The following N4BP2L2 variants were observed in gnomAD, a reference collection of about 807,000 sequenced individuals.
The protein encoded by N4BP2L2 is NEDD4 binding protein 2 like 2.
Under a neutral mutation model 56.2 loss-of-function variants are expected in N4BP2L2, and 50 were observed. The ratio of observed to expected loss-of-function variants is 0.89; its 90% CI spans 0.71 to 1.13. The LOEUF is 1.13. N4BP2L2 is among the 50% of genes most tolerant of loss of function. The probability of loss-of-function intolerance (pLI) is 0.00; values close to 1 mark genes in which losing one functional copy is unlikely to be tolerated. For synonymous variants in N4BP2L2, 203 were observed against 223.6 expected, an observed-to-expected ratio of 0.91 and a Z score of 0.82; for missense variants, 689 against 693.8, an observed-to-expected ratio of 0.99 and a Z score of 0.08.
In N4BP2L2 at chr13:32,438,924, A is replaced by C. The variant is rs1192940907; in HGVS notation, c.2105-187T>G. Among the ~76,000 whole-genome samples, 4 of 152,386 alleles carry C rather than the reference A, an allele frequency of 2.6e-5. No individual in the cohort carries two copies. The East Asian group carries it at 7.7e-4, about 29-fold the overall frequency. ...AATTAGTAAACACTATCCAGACTCC[A>C]ATACTAGGATTCATTTGAGTTCTTG... On this transcript the variant is annotated intron_variant, in intron 7 of 9. Transcript: ENST00000357505.
chr13:32,463,094 A>G (rs927442834), intron 6 of N4BP2L2, among the ~76,000 whole-genome samples: 1 of 151,926 alleles, frequency 6.6e-6, no homozygotes, highest in African/African-American at 2.4e-5. Flanking sequence ...AAAAATTTCA[A>G]AAACAAACAA....
chr13:32,471,555 G>A (rs1007221172), intron 6 of N4BP2L2, among the ~76,000 whole-genome samples: 10 of 152,328 alleles, frequency 6.6e-5, no homozygotes, highest in Admixed American at 3.3e-4. Flanking sequence ...TCTTGTAGGC[G>A]GACAAGGGGG....
chr13:32,524,877 C>T (rs184203019), intron 3 of N4BP2L2: 1 of 152,434 alleles, frequency 6.6e-6, no homozygotes, highest in East Asian at 1.9e-4. Context: ...ATCCTCCTAT[C>T]TCAGCCTCCC....
chr13:32,486,048 G>A (rs575970164), intron 6 of N4BP2L2, among the ~76,000 whole-genome samples: 1 of 151,466 alleles, frequency 6.6e-6, no homozygotes, highest in South Asian at 2.1e-4. Context: ...CCAGCCTGGC[G>A]AACAGAGATG....
At chr13:32,463,074 C>T (rs113132251) in intron 6 of N4BP2L2, among the ~76,000 whole-genome samples, 8,555 of 151,214 alleles carry the variant, frequency 0.057, 811 homozygotes, top group African/African-American at 0.2. Flanking sequence ...ACAAATATTA[C>T]ACATTAATAA....
exon 7 of N4BP2L2, chr13:32,443,720 C>T (rs376387228): frequency 1.4e-4 from 228 of 1,582,686 alleles, no homozygotes; most frequent in Non-Finnish European, 1.7e-4. Flanking sequence ...GGACAAGTAA[C>T]GGAGATTTCA....
At chr13:32,461,892 A>G (rs2080158059) in intron 6 of N4BP2L2, among the ~76,000 whole-genome samples, 1 of 152,190 alleles carries the variant, frequency 6.6e-6, no homozygotes. Context: ...GTGAGCCACT[A>G]CACCTGGCCA....
chr13:32,466,045 T>G (rs1354809296), intron 6 of N4BP2L2, among the ~76,000 whole-genome samples: 2 of 152,112 alleles, frequency 1.3e-5, no homozygotes, highest in Non-Finnish European at 2.9e-5. Flanking sequence ...GCCCTCTAAT[T>G]GGTCACATCC....
At chr13:32,485,710 A>G (rs2085709869) in intron 6 of N4BP2L2, among the ~76,000 whole-genome samples, 1 of 152,230 alleles carries the variant, frequency 6.6e-6, no homozygotes, top group African/African-American at 2.4e-5. Context: ...CAAAAGATGC[A>G]GAAAAAACAT....
At chr13:32,443,819 T>C (rs773757379) in exon 7 of N4BP2L2, 1 of 1,587,774 alleles carries the variant, frequency 6.3e-7, no homozygotes, top group Non-Finnish European at 8.6e-7. Context: ...ACTATAGACA[T>C]AACGTTTTGG....
Position 32,476,007 on chromosome 13 carries a change from A to T in N4BP2L2, c.366-31881T>A, listed in dbSNP as rs1361847774. Among the ~76,000 whole-genome samples the T allele has an allele frequency of 4.6e-5, 7 of 152,238 alleles. No individual in the cohort carries two copies. The East Asian group carries it at 1.3e-3, about 29-fold the overall frequency. The stretch of plus-strand genomic sequence containing the variant: ...AATTCTGTCTATCTGGATACCTTAA[A>T]ATGGTATTGAGGAGAATTACATTTC... On this transcript the variant is annotated intron_variant, in intron 6 of 9. Coordinates refer to the N4BP2L2 transcript ENST00000357505.
intron 6 of N4BP2L2, chr13:32,504,904 A>G (rs2090658794): frequency 6.6e-6 from 1 of 152,246 alleles, no homozygotes; most frequent in Non-Finnish European, 1.5e-5. Context: ...AGAAGGGGTG[A>G]TGGATCCTAA....
chr13:32,480,159 T>C lies in N4BP2L2; in HGVS notation c.366-36033A>G, dbSNP rs149968987. Reference sequence around the variant, plus strand: ...CAGGCTATCTTCACAGGAACAACAATTAGACTTCTAGCTGACTTCTTATCA... The same window carrying C: ...CAGGCTATCTTCACAGGAACAACAACTAGACTTCTAGCTGACTTCTTATCA... On this transcript the variant is annotated intron_variant, in intron 6 of 9. Transcript: ENST00000357505. Among the ~76,000 whole-genome samples the C allele has an allele frequency of 8.1e-3, 1,227 of 152,178 alleles. 10 individuals carry two copies. The highest frequency in any genetic ancestry group is 0.02 in the Middle Eastern group (6 of 294).
chr13:32,489,591 G>C (rs1428883997), intron 6 of N4BP2L2, among the ~76,000 whole-genome samples: 1 of 152,024 alleles, frequency 6.6e-6, no homozygotes, highest in Non-Finnish European at 1.5e-5. Flanking sequence ...CTTCAAATAT[G>C]GAAAAGAGTT....
exon 6 of N4BP2L2, chr13:32,517,138 G>A: frequency 1.0e-6 from 1 of 985,186 alleles, no homozygotes. Flanking sequence ...TGGCAAGCAT[G>A]TGGGGTTAGG....
intron 3 of N4BP2L2, among the ~76,000 whole-genome samples, chr13:32,525,841 A>C (rs1363369869): frequency 6.6e-6 from 1 of 152,198 alleles, no homozygotes; most frequent in African/African-American, 2.4e-5. Flanking sequence ...GAATAACTAA[A>C]CTAAAAATCA....
chr13:32,444,016 G>A, exon 7 of N4BP2L2: 1 of 1,608,926 alleles, frequency 6.2e-7, no homozygotes, highest in Non-Finnish European at 8.5e-7. Flanking sequence ...GAATTCTAAT[G>A]AGTTTTCCTC....
chr13:32,478,512 C>G (rs147170795), intron 6 of N4BP2L2: 1 of 155,040 alleles, frequency 6.4e-6, no homozygotes, highest in African/African-American at 2.4e-5. Context: ...ACAGAAGCTA[C>G]GGGAGAAAAA....
chr13:32,520,179 G>A (rs1026204671), intron 5 of N4BP2L2, among the ~76,000 whole-genome samples: 1 of 151,998 alleles, frequency 6.6e-6, no homozygotes, highest in Non-Finnish European at 1.5e-5. Context: ...TGAGGTAGAA[G>A]GGGAAAAACT....
Sources: allele counts gnomAD v4.1 joint callset (sites outside exome capture counted in the v4.1 genomes callset), GRCh38; gene constraint gnomAD v4.1.1; transcripts MANE v1.5; gene names NCBI Gene and HGNC (gene_info 2026-07-23, HGNC 2026-07-21).